SYT1: variants seen among roughly 807,000 people sequenced by gnomAD.
SYT1 encodes synaptotagmin-1.
In SYT1, 8 loss-of-function variants were observed where a neutral mutation model predicts 44.8. The ratio of observed to expected loss-of-function variants is 0.18; its 90% confidence interval spans 0.10 to 0.32. The LOEUF is 0.32. Among genes scored for constraint, SYT1 ranks in the 10% least tolerant of loss-of-function variants. The pLI is 1.00. For missense variants in SYT1, 286 were observed against 509.3 expected (o/e 0.56, Z 4.22); for synonymous variants, 154 against 188.8 (o/e 0.82, Z 1.51).
At chr12:79,141,707 T>C (rs1490242039) in intron 3 of SYT1, among the ~76,000 whole-genome samples, 1 of 152,188 alleles carries the variant, frequency 6.6e-6, no homozygotes, top group East Asian at 1.9e-4. Context: ...AAAATGTATA[T>C]AAACTGATAT....
intron 3 of SYT1, among the ~76,000 whole-genome samples, chr12:79,207,379 G>T (rs1874186338): frequency 6.6e-6 from 1 of 152,148 alleles, no homozygotes; most frequent in Non-Finnish European, 1.5e-5. Flanking sequence ...AATTTGATTT[G>T]ATTTTAGGTT....
At chr12:79,009,603 T>C (rs1871297345) in intron 2 of SYT1, among the ~76,000 whole-genome samples, 2 of 152,178 alleles carry the variant, frequency 1.3e-5, no homozygotes, top group Admixed American at 1.3e-4. Context: ...TTATCCCCGT[T>C]TTACTGATAA....
intron 2 of SYT1, among the ~76,000 whole-genome samples, chr12:78,980,739 C>A (rs899346038): frequency 2.6e-5 from 4 of 151,904 alleles, no homozygotes; most frequent in Admixed American, 2.6e-4. Context: ...ACTATATGAT[C>A]GTCAAAATTA....
At chr12:79,076,513 C>T (rs187113018) in intron 3 of SYT1, among the ~76,000 whole-genome samples, 3 of 152,210 alleles carry the variant, frequency 2.0e-5, no homozygotes, top group Admixed American at 1.3e-4. Flanking sequence ...TAGGTGAATA[C>T]ATAAAAAGTT....
chr12:79,071,556 C>T lies in SYT1; in HGVS notation c.-18+24194C>T, dbSNP rs1018350600. ...CATAACAAACCACCAATTTGCATAA[C>T]CTCAACAAAAGAAATTTATTCTCTC... On this transcript the variant is annotated intron_variant, in intron 3 of 10. Transcript: ENST00000261205. Among the ~76,000 whole-genome samples the T allele has an allele frequency of 3.9e-5, 6 of 152,152 alleles. No individual in the cohort carries two copies. The South Asian group carries it at 8.3e-4, about 21-fold the overall frequency.
At chr12:78,894,968 G>T (rs751648710) in intron 1 of SYT1, among the ~76,000 whole-genome samples, 2 of 151,508 alleles carry the variant, frequency 1.3e-5, no homozygotes, top group Admixed American at 6.6e-5. Context: ...TTATTAGCTT[G>T]ATTTAGCCAT....
At chr12:79,092,435 GA>G (rs574198277) in intron 3 of SYT1, among the ~76,000 whole-genome samples, 13 of 149,628 alleles carry the variant, frequency 8.7e-5, no homozygotes, top group Non-Finnish European at 1.3e-4. Context: ...CAGGTAGGGA[GA>G]AAAAAAAATT....
intron 9 of SYT1, among the ~76,000 whole-genome samples, chr12:79,432,197 A>G (rs1593062867): frequency 6.6e-6 from 1 of 151,946 alleles, no homozygotes; most frequent in African/African-American, 2.4e-5. Context: ...TCTTAAAAAA[A>G]TTGTCATTTT....
intron 3 of SYT1, among the ~76,000 whole-genome samples, chr12:79,174,594 CAA>C (rs1323163648): frequency 6.6e-6 from 1 of 151,842 alleles, no homozygotes; most frequent in Non-Finnish European, 1.5e-5. Flanking sequence ...GCCTGGGAAA[CAA>C]GAGAGATCTA....
chr12:79,111,562 G>T (rs777768526), intron 3 of SYT1, among the ~76,000 whole-genome samples: 1 of 151,912 alleles, frequency 6.6e-6, no homozygotes, highest in Non-Finnish European at 1.5e-5. Context: ...CAACACTCAA[G>T]AAGTATTTGT....
At chr12:78,896,136 C>G (rs1045937896) in intron 1 of SYT1, among the ~76,000 whole-genome samples, 1 of 151,512 alleles carries the variant, frequency 6.6e-6, no homozygotes, top group African/African-American at 2.4e-5. Flanking sequence ...CCACCAAATC[C>G]CTTTATTATT....
chr12:79,373,413 A>AACATTTT (rs1593010650), intron 9 of SYT1, among the ~76,000 whole-genome samples: 1 of 152,334 alleles, frequency 6.6e-6, no homozygotes, highest in East Asian at 1.9e-4. Context: ...AGCAAAAGTA[A>AACATTTT]ACATTTTACA....
At chr12:79,442,061 T>G (rs186612838) in intron 9 of SYT1, among the ~76,000 whole-genome samples, 1 of 152,350 alleles carries the variant, frequency 6.6e-6, no homozygotes, top group Non-Finnish European at 1.5e-5. Context: ...TTTTTTCTTA[T>G]CACTTATTGT....
rs58307624 is a variant in SYT1 at position 79,369,368 on chromosome 12, T to C, written c.928+15749T>C. The stretch of plus-strand genomic sequence containing the variant: ...GCATATGCCTGTAGTCCTAATTACA[T>C]GGGAAGGTGAGGCAGGAGGATTGCT... On this transcript the variant is annotated intron_variant, in intron 9 of 10. Coordinates refer to ENST00000261205, the MANE Select transcript of SYT1 (RefSeq NM_005639.3). Among the ~76,000 whole-genome samples, 681 of 152,214 alleles carry C rather than the reference T, an allele frequency of 4.5e-3. 6 individuals are homozygous for C. The highest frequency in any genetic ancestry group is 0.016 in the African/African-American group (651 of 41,542).
intron 3 of SYT1, among the ~76,000 whole-genome samples, chr12:79,064,143 A>G (rs1875591120): frequency 6.6e-6 from 1 of 152,130 alleles, no homozygotes; most frequent in African/African-American, 2.4e-5. Flanking sequence ...GCTGTGTGCT[A>G]CACTCAGAGA....
At chr12:79,020,114 G>T (rs1872088523) in intron 2 of SYT1, among the ~76,000 whole-genome samples, 1 of 151,962 alleles carries the variant, frequency 6.6e-6, no homozygotes, top group Admixed American at 6.6e-5. Context: ...TGTATTAACA[G>T]CTTTTGTGAC....
rs375534719 is a variant in SYT1 at position 79,447,861 on chromosome 12, C to G, written c.1063-1057C>G. ...CATTTCATTAATATAATAAACCAGT[C>G]TCCAGCATATAAAGTCCACTAAAGG... On this transcript the variant is annotated intron_variant, in intron 10 of 10. Coordinates refer to ENST00000261205, the MANE Select transcript of SYT1 (RefSeq NM_005639.3). Among the ~76,000 whole-genome samples, 71 of 152,260 alleles carry G rather than the reference C, an allele frequency of 4.7e-4. No homozygotes were observed. In the East Asian group the frequency reaches 0.012, roughly 26 times the overall value.
intron 3 of SYT1, among the ~76,000 whole-genome samples, chr12:79,078,043 T>C (rs956894647): frequency 6.6e-6 from 1 of 152,208 alleles, no homozygotes; most frequent in Non-Finnish European, 1.5e-5. Context: ...TTTTTGGTGT[T>C]TAAAACTTGT....
rs564718743 is a variant in SYT1 at position 79,255,796 on chromosome 12, T to C, written c.167-29991T>C. ...TGCAGTTTTGTCTCAGGAGAGAGTTTTGGGTCTACTGAGAAGAAACTGAGG... is the reference window on the plus strand; with the variant it reads ...TGCAGTTTTGTCTCAGGAGAGAGTTCTGGGTCTACTGAGAAGAAACTGAGG... On this transcript the variant is annotated intron_variant, in intron 4 of 10. Coordinates refer to ENST00000261205, the MANE Select transcript of SYT1 (RefSeq NM_005639.3). 1.0e-3 allele frequency among the ~76,000 whole-genome samples: 153 copies of C among 152,308 alleles called. 6 individuals carry two copies. In the South Asian group the frequency reaches 0.031, roughly 31 times the overall value.
Sources: gnomAD v4.1 joint callset for allele counts (sites outside exome capture counted in the v4.1 genomes callset) on GRCh38, gnomAD v4.1.1 for gene constraint, MANE v1.5 for transcripts, NCBI Gene and HGNC (gene_info 2026-07-23, HGNC 2026-07-21) for gene names.